NRG1: variants seen among roughly 807,000 people sequenced by gnomAD.
The protein encoded by NRG1 is pro-neuregulin-1, membrane-bound isoform.
A neutral mutation model predicts 63.8 loss-of-function variants in NRG1; 18 were observed. The ratio of observed to expected loss-of-function variants is 0.28; its 90% CI spans 0.19 to 0.42. The LOEUF is 0.42. Among genes scored for constraint, NRG1 ranks in the 10% least tolerant of loss-of-function variants. The pLI is 1.00. For synonymous variants in NRG1, 302 were observed against 301.3 expected (o/e 1.00, Z -0.02); for missense variants, 762 against 814.7 (o/e 0.94, Z 0.79).
chr8:32,170,588 A>G (rs1839925384), intron 1 of NRG1, among the ~76,000 whole-genome samples: 1 of 152,218 alleles, frequency 6.6e-6, no homozygotes, highest in Admixed American at 6.5e-5. Flanking sequence ...AATTCTTTTT[A>G]AATGCATTGC....
intron 5 of NRG1, among the ~76,000 whole-genome samples, chr8:32,687,345 G>A (rs2128928490): frequency 6.6e-6 from 1 of 152,298 alleles, no homozygotes; most frequent in South Asian, 2.1e-4. Flanking sequence ...ATGGATGGAT[G>A]GTGGCTGAAG....
At chr8:32,645,718 G>A (rs1853375190) in intron 5 of NRG1, among the ~76,000 whole-genome samples, 1 of 152,168 alleles carries the variant, frequency 6.6e-6, no homozygotes, top group Non-Finnish European at 1.5e-5. Flanking sequence ...ATTGACATAA[G>A]TGAACAAAAT....
exon 1 of NRG1, chr8:32,548,353 A>AGCG (rs1468195965): frequency 4.9e-6 from 5 of 1,013,506 alleles, no homozygotes; most frequent in Non-Finnish European, 4.7e-6. Context: ...CCAGGAGCTG[A>AGCG]GCGGCGGCGG....
At chr8:32,749,354 A>G in intron 7 of NRG1, 1 of 623,314 alleles carries the variant, frequency 1.6e-6, no homozygotes, top group Non-Finnish European at 2.9e-6. Flanking sequence ...TATTTTGCAC[A>G]CCTCATAAAA....
At chr8:32,469,101 G>A (rs1468292513) in intron 1 of NRG1, among the ~76,000 whole-genome samples, 1 of 152,216 alleles carries the variant, frequency 6.6e-6, no homozygotes, top group African/African-American at 2.4e-5. Context: ...TGATGTGGAA[G>A]TCTGAACGTG....
chr8:32,668,486 T>C (rs936739144), intron 5 of NRG1, among the ~76,000 whole-genome samples: 7 of 152,124 alleles, frequency 4.6e-5, no homozygotes, highest in African/African-American at 1.7e-4. Flanking sequence ...ATGAAGTACA[T>C]GGTGGAATGA....
intron 5 of NRG1, among the ~76,000 whole-genome samples, chr8:32,677,441 G>A (rs923959360): frequency 6.6e-6 from 1 of 152,074 alleles, no homozygotes; most frequent in Non-Finnish European, 1.5e-5. Flanking sequence ...TGGATCACTT[G>A]AGCTCAGGAG....
chr8:32,108,153 C>A (rs920865505), intron 1 of NRG1, among the ~76,000 whole-genome samples: 2 of 152,096 alleles, frequency 1.3e-5, no homozygotes, highest in African/African-American at 4.8e-5. Context: ...AAGTCCTCAC[C>A]CTCATCCCCG....
intron 1 of NRG1, among the ~76,000 whole-genome samples, chr8:32,036,888 G>C (rs191214714): frequency 6.6e-6 from 1 of 152,076 alleles, no homozygotes; most frequent in South Asian, 2.1e-4. Context: ...TACTTCTTTA[G>C]CTCAGTGAAG....
chr8:32,581,082 G>GC (rs1182261602), intron 1 of NRG1, among the ~76,000 whole-genome samples: 6 of 152,130 alleles, frequency 3.9e-5, no homozygotes, highest in Admixed American at 2.6e-4. Flanking sequence ...TCTATCTCTT[G>GC]CCCCCTAACC....
At chr8:32,436,542 A>G (rs928269940) in intron 1 of NRG1, among the ~76,000 whole-genome samples, 48 of 152,180 alleles carry the variant, frequency 3.2e-4, no homozygotes, top group Non-Finnish European at 6.0e-4. Flanking sequence ...TCAGATTCAG[A>G]TTTATCCTTT....
At chr8:32,248,532 A>T (rs1046743583) in intron 1 of NRG1, among the ~76,000 whole-genome samples, 1 of 152,096 alleles carries the variant, frequency 6.6e-6, no homozygotes, top group East Asian at 1.9e-4. Flanking sequence ...TCTTGCATAG[A>T]AATTACATAA....
chr8:31,670,758 G>A (rs551049193), intron 1 of NRG1, among the ~76,000 whole-genome samples: 1 of 151,786 alleles, frequency 6.6e-6, no homozygotes, highest in South Asian at 2.1e-4. Context: ...AGAGAACCAG[G>A]GCCTTATATT....
At chr8:32,662,799 A>G (rs1304518790) in intron 5 of NRG1, among the ~76,000 whole-genome samples, 1 of 152,208 alleles carries the variant, frequency 6.6e-6, no homozygotes, top group Non-Finnish European at 1.5e-5. Context: ...GTTATCACCA[A>G]CTGAGATGGA....
chr8:32,097,892 A>G (rs1223804961), intron 1 of NRG1, among the ~76,000 whole-genome samples: 1 of 152,230 alleles, frequency 6.6e-6, no homozygotes, highest in African/African-American at 2.4e-5. Context: ...GAAGATGAAA[A>G]GAATTGCCTA....
chr8:32,222,494 A>AG (rs1845922950), intron 1 of NRG1, among the ~76,000 whole-genome samples: 1 of 152,228 alleles, frequency 6.6e-6, no homozygotes, highest in African/African-American at 2.4e-5. Flanking sequence ...AAAGAAAGAA[A>AG]AAAAGAAAGA....
intron 1 of NRG1, among the ~76,000 whole-genome samples, chr8:32,471,928 G>T (rs1044767178): frequency 1.3e-5 from 2 of 152,182 alleles, no homozygotes; most frequent in Non-Finnish European, 2.9e-5. Context: ...AGGAAAATTG[G>T]TAGTAAGTGT....
chr8:32,504,164 G>C (rs1828251194), intron 1 of NRG1, among the ~76,000 whole-genome samples: 1 of 152,098 alleles, frequency 6.6e-6, no homozygotes. Context: ...GCAGTTTCAG[G>C]CTCTTCCTAT....
chr8:31,921,024 G>A (rs1414205856), intron 1 of NRG1, among the ~76,000 whole-genome samples: 1 of 152,008 alleles, frequency 6.6e-6, no homozygotes, highest in African/African-American at 2.4e-5. Context: ...ATGACATGCT[G>A]GTCCTACTAA....
Sources: allele counts gnomAD v4.1 joint callset (sites outside exome capture counted in the v4.1 genomes callset), GRCh38; gene constraint gnomAD v4.1.1; transcripts MANE v1.5; gene names NCBI Gene and HGNC (gene_info 2026-07-23, HGNC 2026-07-21).